Variants in MIGA1 observed in about 807,000 individuals in gnomAD.
The protein encoded by MIGA1 is family with sequence similarity 73, member A.
Under a neutral mutation model 82.0 loss-of-function variants are expected in MIGA1, and 58 were observed. The observed-to-expected ratio is 0.71, with a 90% CI of 0.57 to 0.88. MIGA1 has a LOEUF of 0.88. MIGA1 is among the 40% of genes least tolerant of loss of function. The pLI is 0.00. For synonymous variants in MIGA1, 249 were observed against 253.6 expected (o/e 0.98, Z 0.17); for missense variants, 751 against 749.1 (o/e 1.00, Z -0.03).
At chr1:77,864,396 C>CCAG (rs1266450476) in intron 13 of MIGA1, among the ~76,000 whole-genome samples, 1 of 151,424 alleles carries the variant, frequency 6.6e-6, no homozygotes, top group Non-Finnish European at 1.5e-5. Context: ...AAGTGGTTGG[C>CCAG]CAGGCGCGGT....
intron 5 of MIGA1, chr1:77,811,096 T>C: frequency 6.2e-7 from 1 of 1,606,794 alleles, no homozygotes; most frequent in South Asian, 1.1e-5. Context: ...TTTTTCAACA[T>C]GCTTCTGGAG....
chr1:77,811,716 G>A (rs549273409), intron 5 of MIGA1: 38 of 1,611,706 alleles, frequency 2.4e-5, no homozygotes, highest in Admixed American at 2.0e-4. Context: ...CCCAAGAGTC[G>A]AAGTCGGCGC....
intron 7 of MIGA1, among the ~76,000 whole-genome samples, chr1:77,830,626 A>G (rs1384937623): frequency 2.0e-5 from 3 of 151,918 alleles, no homozygotes; most frequent in African/African-American, 4.8e-5. Flanking sequence ...CTTTGGGTAG[A>G]GTGTTATAAT....
chr1:77,792,794 T>TC (rs1418066482), intron 2 of MIGA1, among the ~76,000 whole-genome samples: 2 of 149,988 alleles, frequency 1.3e-5, no homozygotes, highest in East Asian at 3.9e-4. Flanking sequence ...TGCTTTTTTT[T>TC]TTTTTTTTTT....
intron 7 of MIGA1, among the ~76,000 whole-genome samples, chr1:77,819,212 G>T (rs998983466): frequency 6.6e-6 from 1 of 152,112 alleles, no homozygotes; most frequent in African/African-American, 2.4e-5. Flanking sequence ...CTTCCCCAGG[G>T]TTACACAGCT....
intron 8 of MIGA1, among the ~76,000 whole-genome samples, chr1:77,844,896 C>T (rs1250819922): frequency 1.3e-5 from 2 of 152,110 alleles, no homozygotes; most frequent in African/African-American, 2.4e-5. Context: ...GCACAAGAAT[C>T]GCTTGAACCT....
chr1:77,867,321 C>T (rs1685707464), intron 14 of MIGA1, among the ~76,000 whole-genome samples: 1 of 152,080 alleles, frequency 6.6e-6, no homozygotes, highest in Non-Finnish European at 1.5e-5. Flanking sequence ...GTATCTACCT[C>T]ATAGTGTTTT....
At chr1:77,867,095 G>A (rs1304027562) in intron 14 of MIGA1, among the ~76,000 whole-genome samples, 1 of 152,074 alleles carries the variant, frequency 6.6e-6, no homozygotes, top group Non-Finnish European at 1.5e-5. Flanking sequence ...CAAATAAAAA[G>A]TCTCAGAGTT....
intron 12 of MIGA1, chr1:77,862,347 CA>C (rs1685489507): frequency 6.7e-6 from 1 of 150,246 alleles, no homozygotes; most frequent in African/African-American, 2.5e-5. Flanking sequence ...CTCGGGAGGC[CA>C]AGGAATGAGA....
Position 77,876,098 on chromosome 1 carries a change from A to T in MIGA1, c.*1034A>T, listed in dbSNP as rs1371367360. 6.6e-6 allele frequency: 1 copy of T among 152,216 alleles called. No individual in the cohort carries two copies. The highest frequency in any genetic ancestry group is 2.4e-5 in the African/African-American group (1 of 41,418). The allele number at this position is 152,216 out of a possible 1,614,324, so 9.4% of individuals were successfully genotyped here. A position where few individuals can be genotyped will look rare whatever the true frequency, so the allele number is the denominator to read the frequency against. On this transcript the variant is annotated 3_prime_UTR_variant, in exon 16 of 16. Transcript: ENST00000370791. ...CAGTGAGCCGAGATCGCACCACTGC[A>T]CTCCAGCCTGGGCAACAAAGTGAGA...
chr1:77,811,643 G>A, intron 5 of MIGA1: 16 of 1,612,054 alleles, frequency 9.9e-6, no homozygotes, highest in Non-Finnish European at 1.4e-5. Context: ...TGTTGAGCTT[G>A]GGCCTCCTTT....
At chr1:77,872,519 C>G (rs921303581) in intron 14 of MIGA1, among the ~76,000 whole-genome samples, 1 of 152,018 alleles carries the variant, frequency 6.6e-6, no homozygotes, top group Non-Finnish European at 1.5e-5. Context: ...GAGGATCACT[C>G]AAGCTTGGGA....
At chr1:77,781,140 C>T (rs1232027895) in intron 1 of MIGA1, among the ~76,000 whole-genome samples, 1 of 151,932 alleles carries the variant, frequency 6.6e-6, no homozygotes, top group African/African-American at 2.4e-5. Context: ...AACTCTTGAC[C>T]TCAACTGATC....
intron 5 of MIGA1, among the ~76,000 whole-genome samples, chr1:77,809,538 C>T (rs1317334438): frequency 6.6e-6 from 1 of 151,740 alleles, no homozygotes; most frequent in East Asian, 1.9e-4. Flanking sequence ...AGTACAAGAC[C>T]AACCTGGGGA....
chr1:77,872,307 A>G (rs1170825083), intron 14 of MIGA1, among the ~76,000 whole-genome samples: 2 of 152,100 alleles, frequency 1.3e-5, no homozygotes, highest in Non-Finnish European at 2.9e-5. Context: ...TGAGGTAAAA[A>G]CAACTTTTAA....
intron 7 of MIGA1, among the ~76,000 whole-genome samples, chr1:77,837,306 T>C (rs1684469598): frequency 6.6e-6 from 1 of 152,228 alleles, no homozygotes; most frequent in South Asian, 2.1e-4. Context: ...TTATGTATTT[T>C]ATACTTACTG....
chr1:77,828,370 T>G (rs867091478), intron 7 of MIGA1, among the ~76,000 whole-genome samples: 4 of 152,324 alleles, frequency 2.6e-5, no homozygotes, highest in Admixed American at 6.5e-5. Context: ...GGGTTTGTAT[T>G]TCCTAGTTCA....
chr1:77,805,826 T>G (rs1457910769), intron 4 of MIGA1, among the ~76,000 whole-genome samples: 1 of 152,120 alleles, frequency 6.6e-6, no homozygotes, highest in African/African-American at 2.4e-5. Context: ...CTGGCCAGAG[T>G]ATGCCTGTTC....
intron 10 of MIGA1, 127 bp from the exon 11 acceptor site, chr1:77,859,913 G>A (rs1246906549): frequency 4.9e-6 from 3 of 612,928 alleles, no homozygotes; most frequent in South Asian, 4.2e-5. Context: ...TTCTCTGTGA[G>A]CTGCCTGTTG....
Sources: allele counts gnomAD v4.1 joint callset (sites outside exome capture counted in the v4.1 genomes callset), GRCh38; gene constraint gnomAD v4.1.1; transcripts MANE v1.5; gene names NCBI Gene and HGNC (gene_info 2026-07-23, HGNC 2026-07-21).